Variants in MCM6 observed in about 807,000 individuals in gnomAD.
MCM6 encodes DNA replication licensing factor MCM6.
Under a neutral mutation model 94.3 loss-of-function variants are expected in MCM6, and 46 were observed. The ratio of observed to expected loss-of-function variants is 0.49; its 90% CI spans 0.39 to 0.62. The LOEUF is 0.62. Among genes scored for constraint, MCM6 ranks in the 20% least tolerant of loss-of-function variants. The pLI, the probability that MCM6 is intolerant of heterozygous loss-of-function variation, is 0.00. For synonymous variants in MCM6, 335 were observed against 351.9 expected, an observed-to-expected ratio of 0.95 and a Z score of 0.54; for missense variants, 865 against 1,017.9, an observed-to-expected ratio of 0.85 and a Z score of 2.04.
Position 135,876,239 on chromosome 2 carries a change from C to G in MCM6, c.107+20G>C, listed in dbSNP as rs746759552. 6.4e-7 allele frequency: 1 copy of G among 1,574,580 alleles called. No homozygotes were observed. Among genetic ancestry groups the G allele is most frequent in the Non-Finnish European group, 8.6e-7 (1 of 1,164,604 alleles). On this transcript the variant is annotated intron_variant, in intron 1 of 16. Coordinates refer to ENST00000264156, the MANE Select transcript of MCM6 (RefSeq NM_005915.6). ...GCAGGCTCCGGAGGCGGGCGAGGCC[C>G]GGGGCGCTCGCCGACTTACTCCTCC...
intron 13 of MCM6, among the ~76,000 whole-genome samples, chr2:135,848,722 A>G (rs1679714144): frequency 6.6e-6 from 1 of 152,086 alleles, no homozygotes; most frequent in Admixed American, 6.6e-5. Flanking sequence ...CATCTCTACT[A>G]AAAATATAAA....
At chr2:135,860,017 T>A (rs1205513161) in intron 8 of MCM6, among the ~76,000 whole-genome samples, 2 of 152,114 alleles carry the variant, frequency 1.3e-5, no homozygotes, top group African/African-American at 4.8e-5. Context: ...TTGGCCAGGC[T>A]GGTCTCGAAC....
intron 4 of MCM6, 29 bp downstream of exon 4, chr2:135,868,582 T>C (rs775084686): frequency 1.2e-6 from 2 of 1,608,218 alleles, no homozygotes; most frequent in South Asian, 1.1e-5. Context: ...ATAGATGGAC[T>C]CTGATCTAAA....
At chr2:135,858,132 T>A (rs1433235700) in intron 9 of MCM6, 128 bp from the exon 10 acceptor site, 1 of 792,818 alleles carries the variant, frequency 1.3e-6, no homozygotes, top group African/African-American at 1.7e-5. Context: ...CATTTGAGGT[T>A]ACAGTGAGCC....
chr2:135,873,179 C>A (rs1033414884), intron 1 of MCM6, among the ~76,000 whole-genome samples: 1 of 152,180 alleles, frequency 6.6e-6, no homozygotes, highest in African/African-American at 2.4e-5. Context: ...CTCTCTTTGC[C>A]TGATGCCATC....
At position 135,856,878 on chromosome 2, in the gene MCM6, A is replaced by G; in HGVS notation, c.1476T>C (p.Thr492=). 6.2e-7 allele frequency: 1 copy of G among 1,612,394 alleles called. No individual in the cohort carries two copies. The highest frequency in any genetic ancestry group is 1.7e-4 in the Middle Eastern group (1 of 6,050). ...ISITKAGVKA[T]LNARTSILAA... ...CCAAAATGGACGTCCGGGCGTTCAG[A>G]GTAGCCTGACCACAAAAGAAAGAAT... is the stretch of plus-strand genomic sequence containing the variant. Residue 492 remains threonine, a synonymous_variant, in exon 11 of 17, where the codon ACT becomes ACC. Coordinates refer to ENST00000264156, the MANE Select transcript of MCM6 (RefSeq NM_005915.6).
chr2:135,873,678 G>C (rs577410003), intron 1 of MCM6, among the ~76,000 whole-genome samples: 5 of 151,886 alleles, frequency 3.3e-5, no homozygotes, highest in African/African-American at 1.2e-4. Context: ...AGGTACCTGA[G>C]GCTGAAAATG....
chr2:135,859,143 C>T (rs1028144826), intron 9 of MCM6, among the ~76,000 whole-genome samples, 158 bp downstream of exon 9: 2 of 152,176 alleles, frequency 1.3e-5, no homozygotes, highest in Non-Finnish European at 2.9e-5. Flanking sequence ...ATCCACCCAC[C>T]TCGGCTTCCC....
chr2:135,843,325 A>C (rs1473712057), intron 16 of MCM6, among the ~76,000 whole-genome samples: 2 of 152,190 alleles, frequency 1.3e-5, no homozygotes, highest in African/African-American at 4.8e-5. Context: ...AGTTTACAGG[A>C]GTGGTGAGAG....
At chr2:135,861,951 ATTC>A (rs1406618709) in intron 8 of MCM6, among the ~76,000 whole-genome samples, 4 of 152,198 alleles carry the variant, frequency 2.6e-5, no homozygotes, top group African/African-American at 9.7e-5. Flanking sequence ...AAATGTTTGT[ATTC>A]TTAGTCTCAA....
At chr2:135,876,156 G>T in intron 1 of MCM6, 103 bp downstream of exon 1, 1 of 873,882 alleles carries the variant, frequency 1.1e-6, no homozygotes, top group Non-Finnish European at 1.6e-6. Flanking sequence ...TCCCGGACGC[G>T]CGACCCCCAG....
At chr2:135,850,434 G>A (rs1173087604) in intron 13 of MCM6, among the ~76,000 whole-genome samples, 1 of 151,808 alleles carries the variant, frequency 6.6e-6, no homozygotes, top group Non-Finnish European at 1.5e-5. Context: ...TTAAATACAT[G>A]TCTCGTTCCC....
At chr2:135,866,505 G>A in intron 5 of MCM6, 58 bp downstream of exon 5, 1 of 1,534,396 alleles carries the variant, frequency 6.5e-7, no homozygotes, top group Non-Finnish European at 8.8e-7. Flanking sequence ...TGGGAAGCTA[G>A]ATACTGTGCA....
intron 6 of MCM6, 102 bp downstream of exon 6, chr2:135,866,030 A>G: frequency 1.5e-6 from 2 of 1,303,910 alleles, no homozygotes; most frequent in Non-Finnish European, 1.1e-6. Flanking sequence ...TGAGCCCAGA[A>G]AGTGGAGGCT....
chr2:135,872,979 A>G (rs1311259920), intron 1 of MCM6, 136 bp from the exon 2 acceptor site: 1 of 991,714 alleles, frequency 1.0e-6, no homozygotes, highest in Non-Finnish European at 1.5e-6. Context: ...AACTTGGGGC[A>G]AGTTACTCCT....
In MCM6 at chr2:135,851,405, A is replaced by T. The variant is rs1276923332; in HGVS notation, c.1914T>A (p.Asp638Glu). The change falls in exon 13 of 17, where the codon GAT becomes GAA. Residue 638 changes from aspartate (D) to glutamate (E), a missense_variant. Physicochemically the swap from Asp to Glu is conservative, Grantham distance 45. Around this residue, in one of 3 missense-constraint regions of MCM6, gnomAD observed 308 missense variants for 324.5 expected, o/e 0.95. Coordinates refer to ENST00000264156, the MANE Select transcript of MCM6 (RefSeq NM_005915.6). The stretch of plus-strand genomic sequence containing the variant: ...CATATCAAAGTGACTCTGATACCTC[A>T]TCACAGCAGTGCATCCGAGCCATAG... ...SEAMARMHCCDEVQPKHVKEA... is the reference protein window; with the variant it reads ...SEAMARMHCCEEVQPKHVKEA... 6.2e-7 allele frequency: 1 copy of T among 1,612,524 alleles called. No individual in the cohort carries two copies. The highest frequency in any genetic ancestry group is 8.5e-7 in the Non-Finnish European group (1 of 1,179,150).
chr2:135,857,197 T>A (rs1679907250), intron 10 of MCM6, among the ~76,000 whole-genome samples: 1 of 152,256 alleles, frequency 6.6e-6, no homozygotes, highest in East Asian at 1.9e-4. Flanking sequence ...GTCTAAAGAA[T>A]CAAGCTGTGG....
rs781133683 is a variant in MCM6 at position 135,876,410 on chromosome 2, A to T, written c.-45T>A. On this transcript the variant is annotated 5_prime_UTR_variant, in exon 1 of 17. Coordinates refer to ENST00000264156, the MANE Select transcript of MCM6 (RefSeq NM_005915.6). ...TTCGCCTGCGCCACGCTCGACCGCC[A>T]CAAGTCGCTTTTTTCCAGACGCTGC... The T allele has an allele frequency of 1.3e-6, 2 of 1,522,564 alleles. No homozygotes were observed. The highest frequency in any genetic ancestry group is 1.8e-6 in the Non-Finnish European group (2 of 1,130,918). 94.3% of individuals were successfully genotyped at this position (1,522,564 alleles called of 1,614,324 possible).
chr2:135,869,677 T>G (rs1011726128), intron 3 of MCM6, among the ~76,000 whole-genome samples: 1 of 152,170 alleles, frequency 6.6e-6, no homozygotes, highest in Non-Finnish European at 1.5e-5. Flanking sequence ...CAAAGGGGTG[T>G]TTGAAAATTA....
Sources: gnomAD v4.1 joint callset for allele counts (sites outside exome capture counted in the v4.1 genomes callset) on GRCh38, gnomAD v4.1.1 for gene constraint, gnomAD v4.1.1 regional missense constraint, MANE v1.5 for transcripts, NCBI Gene and HGNC (gene_info 2026-07-23, HGNC 2026-07-21) for gene names.